The following IL16 variants were observed in gnomAD, a reference collection of about 807,000 sequenced individuals.
IL16 encodes interleukin 16.
A neutral mutation model predicts 110.1 loss-of-function variants in IL16; 67 were observed. The ratio of observed to expected loss-of-function variants is 0.61; its 90% CI spans 0.50 to 0.75. The LOEUF (loss-of-function observed/expected upper bound fraction) is 0.75, where lower values mean the gene tolerates loss of function less well. Ranked by LOEUF, IL16 falls within the 30% of genes least tolerant of loss-of-function variation. The pLI, the probability that IL16 is intolerant of heterozygous loss-of-function variation, is 0.00. For missense variants in IL16, 1,545 were observed against 1,655.0 expected (o/e 0.93, Z 1.15); for synonymous variants, 689 against 662.9 (o/e 1.04, Z -0.61).
chr15:81,278,768 C>T lies in IL16; in HGVS notation c.791-49C>T, dbSNP rs145065125. On this transcript the variant is annotated intron_variant, in intron 6 of 18. Transcript: ENST00000683961. ...TAGAGTTAAAGGTAATGATAATGCC[C>T]TTTGATTGGGCAACACTCTTCTTAG... 106 of 1,283,620 alleles carry T rather than the reference C, an allele frequency of 8.3e-5. 1 individual carries two copies. The East Asian group carries it at 2.4e-3, about 29-fold the overall frequency. The allele number at this position is 1,283,620 out of a possible 1,614,324, so 79.5% of individuals were successfully genotyped here. A position where few individuals can be genotyped will look rare whatever the true frequency, so the allele number is the denominator to read the frequency against.
intron 2 of IL16, among the ~76,000 whole-genome samples, chr15:81,236,749 A>G (rs910793580): frequency 1.3e-5 from 2 of 150,738 alleles, no homozygotes; most frequent in Admixed American, 6.6e-5. Context: ...TGAGGTCAGG[A>G]GTTCGAGACC....
intron 1 of IL16, among the ~76,000 whole-genome samples, chr15:81,203,020 A>T (rs1895877129): frequency 6.6e-6 from 1 of 151,936 alleles, no homozygotes; most frequent in South Asian, 2.1e-4. Flanking sequence ...CACCATTCTA[A>T]CTGGTGTGAG....
In IL16 at chr15:81,311,848, A is replaced by G. The variant is rs535843596; in HGVS notation, c.*3050A>G. 2 of 152,342 alleles carry G rather than the reference A, an allele frequency of 1.3e-5. No homozygotes were observed. The highest frequency in any genetic ancestry group is 3.9e-4 in the East Asian group (2 of 5,190). 9.4% of individuals were successfully genotyped at this position (152,342 alleles called of 1,614,324 possible). Reference sequence around the variant, plus strand: ...TAAAGGATCTTAGGCATGACTGTAGAATTTGTAGTTGCAATAGAACAGAGA... The same window carrying G: ...TAAAGGATCTTAGGCATGACTGTAGGATTTGTAGTTGCAATAGAACAGAGA... On this transcript the variant is annotated 3_prime_UTR_variant, in exon 19 of 19. Transcript: ENST00000683961.
chr15:81,259,689 TG>T, intron 2 of IL16, 82 bp from the exon 3 acceptor site: 1 of 790,670 alleles, frequency 1.3e-6, no homozygotes, highest in South Asian at 1.5e-5. Context: ...AGTACTTCTA[TG>T]GTCAGTGTCA....
intron 1 of IL16, among the ~76,000 whole-genome samples, chr15:81,208,394 T>A (rs1595948260): frequency 6.6e-6 from 1 of 152,352 alleles, no homozygotes; most frequent in African/African-American, 2.4e-5. Flanking sequence ...TGGCATGATC[T>A]CAGCTTACTG....
At chr15:81,196,790 A>T (rs1595935409), upstream of IL16, 1 of 1,068,668 alleles carries the variant, frequency 9.4e-7, no homozygotes, top group East Asian at 9.2e-5. Flanking sequence ...CAGCACTGGC[A>T]GCCCCCCTTT....
At chr15:81,200,495 G>T (rs893827856) in intron 1 of IL16, among the ~76,000 whole-genome samples, 2 of 151,824 alleles carry the variant, frequency 1.3e-5, no homozygotes, top group Non-Finnish European at 2.9e-5. Flanking sequence ...TCAGCCTCCC[G>T]AGTAGCTGGG....
chr15:81,252,228 G>T (rs1017470088), intron 2 of IL16, among the ~76,000 whole-genome samples: 2 of 152,204 alleles, frequency 1.3e-5, no homozygotes, highest in African/African-American at 4.8e-5. Context: ...AAGTGCAATG[G>T]AGATTTGGGG....
At chr15:81,284,810 C>T (rs1000523930) in intron 9 of IL16, among the ~76,000 whole-genome samples, 6 of 152,308 alleles carry the variant, frequency 3.9e-5, no homozygotes, top group African/African-American at 1.2e-4. Context: ...AAGCCATGCT[C>T]ATTTGTTTAT....
chr15:81,283,737 G>C (rs983801126), intron 9 of IL16, among the ~76,000 whole-genome samples: 1 of 152,202 alleles, frequency 6.6e-6, no homozygotes, highest in African/African-American at 2.4e-5. Flanking sequence ...TGGGCACCAT[G>C]GTTCACACCT....
At chr15:81,255,684 T>C (rs566675158) in intron 2 of IL16, among the ~76,000 whole-genome samples, 1 of 151,990 alleles carries the variant, frequency 6.6e-6, no homozygotes, top group South Asian at 2.1e-4. Flanking sequence ...CAGTGTCTTT[T>C]GGATAAGGCC....
intron 2 of IL16, among the ~76,000 whole-genome samples, chr15:81,239,615 C>G (rs1897281893): frequency 6.6e-6 from 1 of 152,186 alleles, no homozygotes; most frequent in Non-Finnish European, 1.5e-5. Context: ...TAGAGTGGGG[C>G]TGAGTTAACC....
At chr15:81,245,307 C>T (rs557735688) in intron 2 of IL16, among the ~76,000 whole-genome samples, 5 of 152,238 alleles carry the variant, frequency 3.3e-5, no homozygotes, top group East Asian at 1.9e-4. Flanking sequence ...ATTATTCTTG[C>T]GAGTGTGGGG....
chr15:81,271,961 G>A (rs1169334222), intron 5 of IL16, among the ~76,000 whole-genome samples: 2 of 152,232 alleles, frequency 1.3e-5, no homozygotes, highest in Non-Finnish European at 2.9e-5. Context: ...CATGAGCAAT[G>A]GTTCTGTTAC....
intron 17 of IL16, 56 bp downstream of exon 17, chr15:81,306,222 G>A: frequency 6.3e-7 from 1 of 1,583,906 alleles, no homozygotes; most frequent in Non-Finnish European, 8.6e-7. Flanking sequence ...TTGGCCATTT[G>A]GGGCCAGACC....
At chr15:81,187,053 T>C (rs1169138269) in intron 1 of IL16, among the ~76,000 whole-genome samples, 1 of 152,160 alleles carries the variant, frequency 6.6e-6, no homozygotes, top group East Asian at 1.9e-4. Flanking sequence ...TCCTCTCTAG[T>C]AGAAAGTAGG....
At chr15:81,285,403 G>A (rs542059801) in intron 9 of IL16, among the ~76,000 whole-genome samples, 1 of 152,190 alleles carries the variant, frequency 6.6e-6, no homozygotes, top group East Asian at 1.9e-4. Context: ...GTCTTTAATG[G>A]GCATAGTTAA....
chr15:81,244,521 T>G (rs796305202), intron 2 of IL16, among the ~76,000 whole-genome samples: 63 of 152,316 alleles, frequency 4.1e-4, no homozygotes, highest in African/African-American at 1.5e-3. Context: ...TACCACATCC[T>G]TCTGTCCTCT....
chr15:81,220,796 G>GAAAAAAA (rs3086670), intron 1 of IL16, among the ~76,000 whole-genome samples: 1 of 128,862 alleles, frequency 7.8e-6, no homozygotes, highest in Non-Finnish European at 1.7e-5. Flanking sequence ...CTTGTTGAAT[G>GAAAAAAA]AAAAAAAAAA....
Sources: allele counts gnomAD v4.1 joint callset (sites outside exome capture counted in the v4.1 genomes callset), GRCh38; gene constraint gnomAD v4.1.1; transcripts MANE v1.5; gene names NCBI Gene and HGNC (gene_info 2026-07-23, HGNC 2026-07-21).